Variants in CDH23 observed in about 807,000 individuals in gnomAD.
CDH23 encodes the protein cadherin-23.
In CDH23, 189 loss-of-function variants were observed where a neutral mutation model predicts 317.1. The observed-to-expected ratio is 0.60, with a 90% CI of 0.53 to 0.67. The LOEUF (loss-of-function observed/expected upper bound fraction) is 0.67, where lower values mean the gene tolerates loss of function less well. Among genes scored for constraint, CDH23 ranks in the 30% least tolerant of loss-of-function variants. The probability of loss-of-function intolerance (pLI) is 0.00; values close to 1 mark genes in which losing one functional copy is unlikely to be tolerated. For missense variants in CDH23, 4,401 were observed against 4,592.4 expected (o/e 0.96, Z 1.20); for synonymous variants, 1,839 against 1,876.8 (o/e 0.98, Z 0.52).
intron 14 of CDH23, among the ~76,000 whole-genome samples, chr10:71,672,818 C>G (rs1464179869): frequency 6.6e-6 from 1 of 152,120 alleles, no homozygotes; most frequent in Non-Finnish European, 1.5e-5. Context: ...CTCACATATC[C>G]TTCCCGTCCT....
intron 1 of CDH23, among the ~76,000 whole-genome samples, chr10:71,427,201 GAAA>G (rs1849125238): frequency 1.5e-5 from 1 of 65,684 alleles, no homozygotes; most frequent in African/African-American, 6.7e-5. Context: ...GAAAGAGAAA[GAAA>G]GAAAGAAAGA....
chr10:71,484,014 A>G (rs1368918687), intron 3 of CDH23, among the ~76,000 whole-genome samples: 1 of 152,092 alleles, frequency 6.6e-6, no homozygotes. Context: ...TGTGGAAATC[A>G]TGGTTCTGGG....
chr10:71,781,721 C>A lies in CDH23; in HGVS notation c.5368+2274C>A, dbSNP rs149002752. Among the ~76,000 whole-genome samples the A allele has an allele frequency of 1.2e-3, 176 of 152,328 alleles. No individual in the cohort carries two copies. In the South Asian group the frequency reaches 0.016, roughly 14 times the overall value. On this transcript the variant is annotated intron_variant, in intron 41 of 69. Transcript: ENST00000224721. The stretch of plus-strand genomic sequence containing the variant: ...GGCAGGCTCTCAAAGGAGTGAGAGA[C>A]GCCTAGGAGTTTCCTAAGGCTGACC...
intron 17 of CDH23, 21 bp downstream of exon 17, chr10:71,679,513 G>A (rs367963130): frequency 1.2e-4 from 193 of 1,573,904 alleles, no homozygotes; most frequent in Middle Eastern, 1.7e-4. Context: ...GGCAGAACTC[G>A]GGGCCCAGCC....
rs139678117 is a variant in CDH23, at chr10:71,776,197, C to A, written c.4846-1483C>A. 1.3e-3 allele frequency among the ~76,000 whole-genome samples: 198 copies of A among 152,324 alleles called. No homozygotes were observed. In the South Asian group the frequency reaches 0.018, roughly 14 times the overall value. On this transcript the variant is annotated intron_variant, in intron 38 of 69. Coordinates refer to ENST00000224721, the MANE Select transcript of CDH23 (RefSeq NM_022124.6). ...CTATCTGCTTTGGAAACCGTTTCAG[C>A]AAACACCCAATGCCCTCCACCCCCA...
intron 48 of CDH23, among the ~76,000 whole-genome samples, chr10:71,794,058 A>G (rs986864562): frequency 2.6e-5 from 4 of 152,094 alleles, no homozygotes; most frequent in African/African-American, 9.6e-5. Flanking sequence ...CTGGAGTGCA[A>G]TGGTGCAATC....
chr10:71,427,195 GAGAAAGAA>G lies in CDH23; in HGVS notation c.-5-12589_-5-12582del, dbSNP rs373672706. Among the ~76,000 whole-genome samples the G allele has an allele frequency of 9.0e-4, 89 of 98,934 alleles. 3 individuals carry two copies. The highest frequency in any genetic ancestry group is 6.9e-3 in the South Asian group (19 of 2,748). 64.9% of individuals were successfully genotyped at this position (98,934 alleles called of 152,430 possible). On this transcript the variant is annotated intron_variant, in intron 1 of 69. Coordinates refer to ENST00000224721, the MANE Select transcript of CDH23 (RefSeq NM_022124.6). ...AGAAAGAAGGAAGGAAGGAAGGAAAGAGAAAGAAAGAAAGAAAGAAAGAAAGAAAGAAA... is the reference window on the plus strand; with the variant it reads ...AGAAAGAAGGAAGGAAGGAAGGAAAGAGAAAGAAAGAAAGAAAGAAAGAAA...
In CDH23 at chr10:71,656,941, G is replaced by T. The variant is rs530179939; in HGVS notation, c.1449+10324G>T. On this transcript the variant is annotated intron_variant, in intron 14 of 69. Coordinates refer to ENST00000224721, the MANE Select transcript of CDH23 (RefSeq NM_022124.6). ...GGGGGTAGGGGATGGAGGGGACCAG[G>T]GTGGAAGCTGGAGACCTGCCCTGAG... Among the ~76,000 whole-genome samples the T allele has an allele frequency of 3.3e-5, 5 of 152,298 alleles. No homozygotes were observed. In the South Asian group the frequency reaches 6.2e-4, roughly 19 times the overall value.
At chr10:71,696,290 C>A (rs1167589874) in intron 22 of CDH23, among the ~76,000 whole-genome samples, 2 of 152,174 alleles carry the variant, frequency 1.3e-5, no homozygotes, top group Non-Finnish European at 2.9e-5. Context: ...ATCCCCACTG[C>A]CACCCACCCA....
At chr10:71,618,734 C>T (rs952079903) in intron 11 of CDH23, among the ~76,000 whole-genome samples, 2 of 152,172 alleles carry the variant, frequency 1.3e-5, no homozygotes, top group African/African-American at 2.4e-5. Context: ...TCTCTTGCCC[C>T]CCTCTGGCAG....
intron 22 of CDH23, among the ~76,000 whole-genome samples, chr10:71,700,583 A>G (rs1224778429): frequency 6.6e-6 from 1 of 152,198 alleles, no homozygotes; most frequent in African/African-American, 2.4e-5. Context: ...AAACTGAGGC[A>G]ATGTGCCCAC....
At chr10:71,648,459 C>G (rs1027630897) in intron 14 of CDH23, among the ~76,000 whole-genome samples, 2 of 152,234 alleles carry the variant, frequency 1.3e-5, no homozygotes, top group Non-Finnish European at 2.9e-5. Flanking sequence ...CAGATCCAGG[C>G]TTAGTGGGTG....
chr10:71,593,393 G>A (rs1859629661), intron 9 of CDH23, among the ~76,000 whole-genome samples: 1 of 152,130 alleles, frequency 6.6e-6, no homozygotes, highest in Non-Finnish European at 1.5e-5. Context: ...GAAATGTGGG[G>A]GTATATCTTC....
At chr10:71,771,154 T>A (rs2132911653) in intron 38 of CDH23, among the ~76,000 whole-genome samples, 1 of 152,308 alleles carries the variant, frequency 6.6e-6, no homozygotes, top group South Asian at 2.1e-4. Flanking sequence ...GGACAGTAAC[T>A]GCCTCGGGTC....
chr10:71,592,203 T>C (rs1185823243), intron 9 of CDH23, among the ~76,000 whole-genome samples: 21 of 152,190 alleles, frequency 1.4e-4, no homozygotes, highest in Admixed American at 1.4e-3. Context: ...GGGCTTGCTG[T>C]GAGGCTCAGG....
At chr10:71,457,320 C>G (rs1320396029) in intron 3 of CDH23, among the ~76,000 whole-genome samples, 1 of 152,292 alleles carries the variant, frequency 6.6e-6, no homozygotes, top group Non-Finnish European at 1.5e-5. Flanking sequence ...TCTTGTTTAA[C>G]CCTTACAGTG....
At chr10:71,427,607 G>A (rs1439290697) in intron 1 of CDH23, among the ~76,000 whole-genome samples, 1 of 152,006 alleles carries the variant, frequency 6.6e-6, no homozygotes, top group Admixed American at 6.6e-5. Context: ...GAATAATGAT[G>A]CCATAAACAT....
chr10:71,433,431 C>T (rs896036488), intron 1 of CDH23, among the ~76,000 whole-genome samples: 4 of 152,190 alleles, frequency 2.6e-5, no homozygotes, highest in Admixed American at 6.5e-5. Context: ...TTTTCAAAGA[C>T]GGACTGATTC....
intron 41 of CDH23, among the ~76,000 whole-genome samples, chr10:71,783,484 G>T (rs1475856463): frequency 6.6e-6 from 1 of 152,186 alleles, no homozygotes; most frequent in South Asian, 2.1e-4. Context: ...CCTCCCCTGG[G>T]CTCCCAGTTC....
Sources: allele counts gnomAD v4.1 joint callset (sites outside exome capture counted in the v4.1 genomes callset), GRCh38; gene constraint gnomAD v4.1.1; transcripts MANE v1.5; gene names NCBI Gene and HGNC (gene_info 2026-07-23, HGNC 2026-07-21).